Variants in CUBN observed in about 807,000 individuals in gnomAD.
The protein encoded by CUBN is cubilin, also known as 460 kDa receptor.
A neutral mutation model predicts 405.3 loss-of-function variants in CUBN; 282 were observed. The observed-to-expected ratio is 0.70, with a 90% CI of 0.63 to 0.77. The LOEUF is 0.77. Ranked by LOEUF, CUBN falls within the 30% of genes least tolerant of loss-of-function variation. The pLI, the probability that CUBN is intolerant of heterozygous loss-of-function variation, is 0.00. For synonymous variants in CUBN, 1,684 were observed against 1,617.0 expected (o/e 1.04, Z -0.99); for missense variants, 4,514 against 4,475.2 (o/e 1.01, Z -0.25).
At chr10:16,840,085 AG>A (rs1457482706) in intron 62 of CUBN, among the ~76,000 whole-genome samples, 4 of 72,392 alleles carry the variant, frequency 5.5e-5, no homozygotes, top group Admixed American at 2.1e-4. Context: ...GGAAGAGGGG[AG>A]GGGGGAGGGA....
intron 28 of CUBN, among the ~76,000 whole-genome samples, chr10:17,003,775 T>A (rs1248616017): frequency 1.3e-5 from 2 of 152,170 alleles, no homozygotes; most frequent in African/African-American, 4.8e-5. Context: ...TCACCTTGGA[T>A]CATCAGTTGT....
At chr10:16,918,943 G>T in intron 44 of CUBN, 143 bp from the exon 45 acceptor site, 1 of 804,624 alleles carries the variant, frequency 1.2e-6, no homozygotes, top group Non-Finnish European at 2.0e-6. Flanking sequence ...CATAAGCCAT[G>T]TCACTTTAAA....
chr10:16,872,197 G>A (rs1022621353), intron 58 of CUBN, among the ~76,000 whole-genome samples: 7 of 152,150 alleles, frequency 4.6e-5, no homozygotes, highest in Middle Eastern at 3.4e-3. Flanking sequence ...CTGAGATCAC[G>A]CCACTGCACT....
chr10:16,948,519 C>A lies in CUBN; in HGVS notation c.5168G>T (p.Ser1723Ile). 6.2e-7 allele frequency: 1 copy of A among 1,614,064 alleles called. No individual in the cohort carries two copies. Among genetic ancestry groups the A allele is most frequent in the South Asian group, 1.1e-5 (1 of 91,086 alleles). Residue 1723 changes from serine (S) to isoleucine (I), a missense_variant, in exon 35 of 67, where the codon AGT (serine) becomes ATT (isoleucine). By Grantham distance (142) the Ser-to-Ile change is moderately radical (BLOSUM62 -2). This residue lies in a region of CUBN where 1,613 missense variants were observed against 1,542.8 expected (regional missense o/e 1.05). Coordinates refer to ENST00000377833, the MANE Select transcript of CUBN (RefSeq NM_001081.4). Reference sequence around the variant, plus strand: ...GACCGTGGTGTGGAAACCCCCAGCACTGATGCTAGAATCAGAGACGAATCT... The same window carrying A: ...GACCGTGGTGTGGAAACCCCCAGCAATGATGCTAGAATCAGAGACGAATCT... ...TLRFVSDSSI[S>I]AGGFHTTVTA...
intron 60 of CUBN, among the ~76,000 whole-genome samples, chr10:16,843,233 T>G (rs1839410549): frequency 6.6e-6 from 1 of 152,190 alleles, no homozygotes; most frequent in South Asian, 2.1e-4. Flanking sequence ...TGGATTTCCC[T>G]GAAACACATA....
intron 34 of CUBN, 63 bp downstream of exon 34, chr10:16,949,938 A>G: frequency 8.3e-7 from 1 of 1,199,236 alleles, no homozygotes. Flanking sequence ...GCCTATAAAT[A>G]TGCGGATCTA....
intron 14 of CUBN, among the ~76,000 whole-genome samples, chr10:17,089,404 T>C (rs1186784569): frequency 6.6e-6 from 1 of 152,138 alleles, no homozygotes; most frequent in Admixed American, 6.5e-5. Flanking sequence ...CAAAGAGTTA[T>C]TATCCTAAAA....
Position 17,100,134 on chromosome 10 carries a change from C to G in CUBN, c.1636G>C (p.Gly546Arg), listed in dbSNP as rs1184415483. Residue 546 changes from glycine to arginine, a missense_variant, in exon 14 of 67, where the codon GGA (glycine) becomes CGA (arginine). Transcript: ENST00000377833. The stretch of plus-strand genomic sequence containing the variant: ...GGGAGGCTGGAGCCACAAAATCTTC[C>G]AAGTTGAAAAGCAGAAGAGGAATCT... ...DGDSSSAFQL[G>R]RFCGSSLPHE... The G allele has an allele frequency of 6.2e-6, 10 of 1,613,648 alleles. No homozygotes were observed. Among genetic ancestry groups the G allele is most frequent in the Admixed American group, 1.7e-5 (1 of 59,990 alleles).
intron 41 of CUBN, among the ~76,000 whole-genome samples, chr10:16,926,987 C>T (rs1313806005): frequency 6.6e-6 from 1 of 151,876 alleles, no homozygotes; most frequent in Non-Finnish European, 1.5e-5. Context: ...CACCCATCCT[C>T]CCCACTTCTG....
chr10:16,952,599 G>A (rs1842950376), intron 32 of CUBN, among the ~76,000 whole-genome samples: 1 of 152,162 alleles, frequency 6.6e-6, no homozygotes, highest in African/African-American at 2.4e-5. Context: ...TTCAACTACA[G>A]GAAGTAGGAA....
intron 54 of CUBN, among the ~76,000 whole-genome samples, chr10:16,891,920 C>G (rs546174486): frequency 2.0e-5 from 3 of 152,284 alleles, no homozygotes; most frequent in African/African-American, 7.2e-5. Context: ...TTTCTATCAA[C>G]AGACAACTAT....
chr10:17,123,899 AC>A lies in CUBN; in HGVS notation c.388-211del, dbSNP rs200952579. On this transcript the variant is annotated intron_variant, in intron 4 of 66. Transcript: ENST00000377833. ...TTATCAATCTTGTTCCTATTCCTTA[AC>A]TCTCAGCATGCTTTTGACCACGGGT... 5.4e-3 allele frequency among the ~76,000 whole-genome samples: 817 copies of A among 152,166 alleles called. 11 individuals carry two copies. The highest frequency in any genetic ancestry group is 0.019 in the African/African-American group (788 of 41,510).
At chr10:17,063,571 G>A (rs1290447120) in intron 22 of CUBN, among the ~76,000 whole-genome samples, 3 of 151,124 alleles carry the variant, frequency 2.0e-5, no homozygotes, top group East Asian at 1.9e-4. Flanking sequence ...TTTATTTTAC[G>A]TGTATCTTAT....
At chr10:17,001,414 G>T (rs1833879673) in intron 28 of CUBN, among the ~76,000 whole-genome samples, 1 of 152,184 alleles carries the variant, frequency 6.6e-6, no homozygotes, top group Non-Finnish European at 1.5e-5. Flanking sequence ...AGTGCTGATT[G>T]GTCCGTTTTA....
At chr10:16,977,035 T>A (rs1833120070) in intron 31 of CUBN, among the ~76,000 whole-genome samples, 1 of 152,214 alleles carries the variant, frequency 6.6e-6, no homozygotes, top group Non-Finnish European at 1.5e-5. Flanking sequence ...CCAGGTAACT[T>A]TACTATCTGG....
intron 31 of CUBN, among the ~76,000 whole-genome samples, chr10:16,979,936 C>G (rs555037336): frequency 3.9e-5 from 6 of 152,112 alleles, no homozygotes; most frequent in African/African-American, 1.4e-4. Context: ...TTTTTGCAAT[C>G]TATCCAGCTG....
intron 14 of CUBN, among the ~76,000 whole-genome samples, chr10:17,094,371 G>A (rs1397025700): frequency 1.3e-5 from 2 of 151,800 alleles, no homozygotes; most frequent in East Asian, 1.9e-4. Flanking sequence ...AAAGCTGAGG[G>A]AATCTGTCTT....
At chr10:16,946,858 C>T (rs929326067) in intron 36 of CUBN, among the ~76,000 whole-genome samples, 1 of 151,860 alleles carries the variant, frequency 6.6e-6, no homozygotes, top group Non-Finnish European at 1.5e-5. Context: ...AAGATAAAAG[C>T]GTAAAGAATG....
At chr10:16,938,660 GAGGATAGT>G (rs1842580367) in intron 38 of CUBN, among the ~76,000 whole-genome samples, 1 of 152,040 alleles carries the variant, frequency 6.6e-6, no homozygotes, top group African/African-American at 2.4e-5. Flanking sequence ...TAAAAACAAA[GAGGATAGT>G]AGGAAATAAG....
Sources: allele counts gnomAD v4.1 joint callset (sites outside exome capture counted in the v4.1 genomes callset), GRCh38; gene constraint gnomAD v4.1.1; regional missense constraint gnomAD v4.1.1; transcripts MANE v1.5; gene names NCBI Gene and HGNC (gene_info 2026-07-23, HGNC 2026-07-21).